The following STK3 variants were observed in gnomAD, a reference collection of about 807,000 sequenced individuals.
The protein encoded by STK3 is serine/threonine-protein kinase 3.
A neutral mutation model predicts 58.0 loss-of-function variants in STK3; 41 were observed. The ratio of observed to expected loss-of-function variants is 0.71; its 90% CI spans 0.55 to 0.92. STK3 has a LOEUF of 0.92. Ranked by LOEUF, STK3 falls within the 40% of genes least tolerant of loss-of-function variation. STK3 has a pLI of 0.00. For missense variants in STK3, 479 were observed against 602.7 expected (o/e 0.79, Z 2.15); for synonymous variants, 170 against 191.0 (o/e 0.89, Z 0.91).
intron 1 of STK3, among the ~76,000 whole-genome samples, chr8:98,924,150 T>C (rs1281245351): frequency 6.6e-6 from 1 of 152,226 alleles, no homozygotes; most frequent in Non-Finnish European, 1.5e-5. Context: ...CTGAAAATTT[T>C]GTGGAGGCTG....
intron 10 of STK3, among the ~76,000 whole-genome samples, chr8:98,464,850 A>AC (rs970641902): frequency 2.0e-5 from 3 of 151,870 alleles, no homozygotes; most frequent in African/African-American, 7.3e-5. Flanking sequence ...CTACTGGCAG[A>AC]CCCCCCTTCC....
At chr8:98,667,954 C>T (rs117545813) in intron 6 of STK3, among the ~76,000 whole-genome samples, 5,449 of 152,058 alleles carry the variant, frequency 0.036, 134 homozygotes, top group Non-Finnish European at 0.051. Context: ...AAGTGACTCA[C>T]CATATAAAAG....
At chr8:98,429,003 A>G in intron 3 of STK3, 1 of 1,613,990 alleles carries the variant, frequency 6.2e-7, no homozygotes, top group Non-Finnish European at 8.5e-7. Context: ...GGGGATTTCC[A>G]TCTTCTCCGT....
intron 6 of STK3, among the ~76,000 whole-genome samples, chr8:98,621,161 C>T (rs561490686): frequency 2.2e-4 from 33 of 152,274 alleles, no homozygotes; most frequent in African/African-American, 7.0e-4. Context: ...GGGATGGTCT[C>T]GATCTCCTGA....
chr8:98,911,543 G>A (rs1194596265), intron 1 of STK3, among the ~76,000 whole-genome samples: 14 of 152,038 alleles, frequency 9.2e-5, no homozygotes, highest in Admixed American at 5.2e-4. Context: ...ACAGGCACAC[G>A]CCACCATGCC....
chr8:98,803,462 G>A (rs1405196368), intron 1 of STK3, among the ~76,000 whole-genome samples: 6 of 151,542 alleles, frequency 4.0e-5, no homozygotes, highest in Admixed American at 3.9e-4. Context: ...GGCATGGTAG[G>A]GGACGCCTGT....
intron 4 of STK3, among the ~76,000 whole-genome samples, chr8:98,739,593 G>C (rs1259419979): frequency 4.2e-4 from 62 of 146,820 alleles, no homozygotes; most frequent in African/African-American, 6.6e-4. Flanking sequence ...AAACCCATCT[G>C]TACATCACCA....
intron 3 of STK3, among the ~76,000 whole-genome samples, chr8:98,756,444 C>G: frequency 6.6e-6 from 1 of 152,062 alleles, no homozygotes; most frequent in Non-Finnish European, 1.5e-5. Context: ...TAGGCAGAAG[C>G]CTGACCATGA....
At chr8:98,740,527 A>T (rs932349778) in intron 4 of STK3, among the ~76,000 whole-genome samples, 46 of 152,192 alleles carry the variant, frequency 3.0e-4, no homozygotes, top group Non-Finnish European at 3.8e-4. Context: ...TAAAATACTT[A>T]ACAGACAAGC....
downstream of STK3, chr8:98,882,248 A>T (rs1033048433): frequency 2.0e-5 from 3 of 151,874 alleles, no homozygotes; most frequent in African/African-American, 4.8e-5. Flanking sequence ...CCTTTTTAAA[A>T]TTTTTTTATT....
intron 3 of STK3, among the ~76,000 whole-genome samples, chr8:98,404,981 C>T (rs1817979465): frequency 6.6e-6 from 1 of 152,152 alleles, no homozygotes. Flanking sequence ...AGTTAAGGAC[C>T]AGTCCTGAAT....
At chr8:98,747,457 G>A (rs373997555) in intron 4 of STK3, among the ~76,000 whole-genome samples, 16 of 152,186 alleles carry the variant, frequency 1.1e-4, no homozygotes, top group African/African-American at 3.1e-4. Context: ...TGTTAGACTC[G>A]TCAAATTTTT....
chr8:98,654,792 T>G (rs959357669), intron 6 of STK3, among the ~76,000 whole-genome samples: 1 of 152,030 alleles, frequency 6.6e-6, no homozygotes, highest in Non-Finnish European at 1.5e-5. Flanking sequence ...GTGAAGGACC[T>G]CTTCAAGGAG....
Position 98,942,283 on chromosome 8 carries a change from A to C in STK3, c.-79+95T>G, listed in dbSNP as rs967737200. 6.6e-5 allele frequency: 10 copies of C among 152,284 alleles called. No homozygotes were observed. The East Asian group carries it at 1.9e-3, about 30-fold the overall frequency. 9.4% of individuals were successfully genotyped at this position (152,284 alleles called of 1,614,324 possible). The stretch of plus-strand genomic sequence containing the variant: ...GGGCCGCTCCCCGCGTTCGGCGCGC[A>C]CCTGCCCATCGAGGCGGCAGGGCCA... On this transcript the variant is annotated intron_variant, in intron 1 of 1. Transcript: ENST00000519420.
At chr8:98,527,694 T>C (rs1259793716) in intron 9 of STK3, among the ~76,000 whole-genome samples, 2 of 152,082 alleles carry the variant, frequency 1.3e-5, no homozygotes, top group African/African-American at 2.4e-5. Context: ...TTACTCAGTT[T>C]CCTCTTATAT....
At chr8:98,676,957 C>G (rs1306342140) in intron 6 of STK3, among the ~76,000 whole-genome samples, 1 of 152,190 alleles carries the variant, frequency 6.6e-6, no homozygotes, top group Non-Finnish European at 1.5e-5. Context: ...CAATTATTGC[C>G]TAGCAAAGTA....
intron 9 of STK3, among the ~76,000 whole-genome samples, chr8:98,534,643 G>C (rs1378219025): frequency 1.3e-5 from 2 of 152,144 alleles, no homozygotes. Context: ...CTGACATTTA[G>C]ACAGGACACA....
chr8:98,425,024 CACCCCGCCGAAGGTGTGG>C (rs1040736119), intron 3 of STK3, among the ~76,000 whole-genome samples: 1 of 152,178 alleles, frequency 6.6e-6, no homozygotes, highest in African/African-American at 2.4e-5. Context: ...CAGCCACCAT[CACCCCGCCGAAGGTGTGG>C]AAGGGGGGAT....
At chr8:98,368,939 T>G (rs182072847), downstream of STK3, among the ~76,000 whole-genome samples, 44 of 152,320 alleles carry the variant, frequency 2.9e-4, no homozygotes, top group African/African-American at 1.1e-3. Context: ...TATTGTACTT[T>G]GCATCACTGG....
Sources: allele counts gnomAD v4.1 joint callset (sites outside exome capture counted in the v4.1 genomes callset), GRCh38; gene constraint gnomAD v4.1.1; transcripts MANE v1.5; gene names NCBI Gene and HGNC (gene_info 2026-07-23, HGNC 2026-07-21).